Variants in KIF24 observed in about 807,000 individuals in gnomAD.
The protein encoded by KIF24 is kinesin-like protein KIF24.
In KIF24, 81 loss-of-function variants were observed where a neutral mutation model predicts 118.9. The ratio of observed to expected loss-of-function variants is 0.68; its 90% CI spans 0.57 to 0.82. The LOEUF is 0.82. KIF24 is among the 40% of genes least tolerant of loss of function. KIF24 has a pLI of 0.00. For synonymous variants in KIF24, 599 were observed against 610.0 expected, an observed-to-expected ratio of 0.98 and a Z score of 0.27; for missense variants, 1,560 against 1,661.6, an observed-to-expected ratio of 0.94 and a Z score of 1.06.
chr9:34,278,718 A>G (rs1478581250), intron 6 of KIF24, among the ~76,000 whole-genome samples: 2 of 152,160 alleles, frequency 1.3e-5, no homozygotes, highest in Non-Finnish European at 2.9e-5. Context: ...CTCCTTCTCA[A>G]ACTCCTTCCC....
chr9:34,262,712 A>ATATATATG lies in KIF24; in HGVS notation c.1515+388_1515+389insCATATATA, dbSNP rs1278590736. ...TATATATATATATATATATATATAT[A>ATATATATG]TGGCCAGGCATGATGGCATATGCCT... On this transcript the variant is annotated intron_variant, in intron 9 of 12. Coordinates refer to ENST00000402558, the MANE Select transcript of KIF24 (RefSeq NM_194313.4). Among the ~76,000 whole-genome samples, 14 of 50,260 alleles carry ATATATATG rather than the reference A, an allele frequency of 2.8e-4. 1 individual carries two copies. The highest frequency in any genetic ancestry group is 1.0e-3 in the African/African-American group (13 of 12,958). The allele number at this position is 50,260 out of a possible 152,430, so 33.0% of individuals were successfully genotyped here.
In KIF24 at chr9:34,255,833, CG is replaced by C. The variant is rs1563931077; in HGVS notation, c.3773del (p.Pro1258ArgfsTer6). The C allele has an allele frequency of 1.2e-6, 2 of 1,613,968 alleles. No homozygotes were observed. The highest frequency in any genetic ancestry group is 2.2e-5 in the South Asian group (2 of 91,068). On this transcript the variant is annotated frameshift_variant, in exon 11 of 13. Transcript: ENST00000402558. LOFTEE classifies it high-confidence loss of function. ...SENVTWLKPR[P>X]ISRCLARPSS... ...TTGGCCTTGCTAAGCACCTTGAGAT[CG>C]GCCTGGGTTTGAGCCATGTGACATT...
intron 1 of KIF24, among the ~76,000 whole-genome samples, chr9:34,320,488 T>C (rs542667688): frequency 6.6e-6 from 1 of 150,680 alleles, no homozygotes; most frequent in South Asian, 2.1e-4. Context: ...CGAAACCCCA[T>C]CTCTACTAAA....
rs555250728 is a variant in KIF24 at position 34,281,089 on chromosome 9, G to A, written c.1215+5528C>T. Among the ~76,000 whole-genome samples the A allele has an allele frequency of 3.3e-5, 5 of 152,202 alleles. No individual in the cohort carries two copies. In the East Asian group the frequency reaches 5.8e-4, roughly 18 times the overall value. ...TGCCTAGGCTGGAGTGCAATGGCAC[G>A]ATCTCTGGTCACTGCAACCTCTGCC... On this transcript the variant is annotated intron_variant, in intron 6 of 12. Coordinates refer to ENST00000402558, the MANE Select transcript of KIF24 (RefSeq NM_194313.4).
At chr9:34,262,352 C>A (rs1051175999) in intron 9 of KIF24, among the ~76,000 whole-genome samples, 1 of 152,012 alleles carries the variant, frequency 6.6e-6, no homozygotes, top group Non-Finnish European at 1.5e-5. Flanking sequence ...TTCCTAAAGT[C>A]CTATGACAGG....
At chr9:34,309,540 CAAAAA>C (rs397960934) in intron 2 of KIF24, among the ~76,000 whole-genome samples, 1 of 65,242 alleles carries the variant, frequency 1.5e-5, no homozygotes, top group African/African-American at 6.1e-5. Flanking sequence ...GACTCCGTCT[CAAAAA>C]AAAAAAAAAA....
intron 9 of KIF24, among the ~76,000 whole-genome samples, chr9:34,262,242 C>T (rs1037311138): frequency 6.6e-6 from 1 of 152,010 alleles, no homozygotes; most frequent in Non-Finnish European, 1.5e-5. Context: ...AGTTACCATA[C>T]ACTGGAAATA....
intron 1 of KIF24, among the ~76,000 whole-genome samples, chr9:34,326,049 T>C (rs1187698511): frequency 6.6e-6 from 1 of 152,192 alleles, no homozygotes; most frequent in Non-Finnish European, 1.5e-5. Context: ...GCACCAGGAA[T>C]ATAAGTGAAC....
Position 34,257,279 on chromosome 9 carries a change from G to A in KIF24, c.2328C>T (p.Leu776=), listed in dbSNP as rs1563933118. 1 of 1,614,052 alleles carries A rather than the reference G, an allele frequency of 6.2e-7. No homozygotes were observed. The highest frequency in any genetic ancestry group is 8.5e-7 in the Non-Finnish European group (1 of 1,179,904). Residue 776 remains leucine, a synonymous_variant, in exon 11 of 13, where the codon CTC becomes CTT. Transcript: ENST00000402558. ...GTTGGTATTTTAACTTCTGTTGGAG[G>A]AGAGGTGGCTGTTGGAACTGCTGGT... The part of the protein sequence containing the change: ...FYHQQFQQPP[L]LQQKLKYQPL...
At chr9:34,319,605 A>T in intron 1 of KIF24, 2 of 923,182 alleles carry the variant, frequency 2.2e-6, no homozygotes, top group Non-Finnish European at 3.6e-6. Context: ...CCTGCTGTTC[A>T]CTGGGCACCT....
chr9:34,295,208 G>C (rs1314796700), intron 4 of KIF24, among the ~76,000 whole-genome samples: 1 of 151,896 alleles, frequency 6.6e-6, no homozygotes, highest in Non-Finnish European at 1.5e-5. Flanking sequence ...CAGACAGACA[G>C]ACAGACAGAC....
chr9:34,312,682 C>T (rs1348572341), intron 1 of KIF24, among the ~76,000 whole-genome samples: 1 of 152,062 alleles, frequency 6.6e-6, no homozygotes, highest in African/African-American at 2.4e-5. Context: ...CTAAACTAAT[C>T]CTGGCCTTCT....
intron 1 of KIF24, among the ~76,000 whole-genome samples, chr9:34,321,746 A>G (rs1837532527): frequency 6.6e-6 from 1 of 151,816 alleles, no homozygotes; most frequent in Non-Finnish European, 1.5e-5. Flanking sequence ...AGCTGGGACT[A>G]CAGGTGCATG....
chr9:34,312,725 G>T (rs1044279276), intron 1 of KIF24, among the ~76,000 whole-genome samples: 2 of 152,106 alleles, frequency 1.3e-5, no homozygotes, highest in Non-Finnish European at 2.9e-5. Context: ...TTGAGATGGA[G>T]TTTCACTCTG....
chr9:34,327,846 A>AAAATAAT (rs1554668267), intron 1 of KIF24, among the ~76,000 whole-genome samples: 8 of 149,698 alleles, frequency 5.3e-5, no homozygotes, highest in Non-Finnish European at 8.9e-5. Flanking sequence ...AATAAAAAAA[A>AAAATAAT]AATAATAATA....
In KIF24 at chr9:34,254,189, A is replaced by AC; in HGVS notation, c.*190dup. The AC allele has an allele frequency of 1.9e-6, 1 of 516,950 alleles. No individual in the cohort carries two copies. The highest frequency in any genetic ancestry group is 5.2e-4 in the Middle Eastern group (1 of 1,936). 32.0% of individuals were successfully genotyped at this position (516,950 alleles called of 1,614,324 possible). ...GCACTCCTGTGCATGGAACTGAGGGACAGGGGCCTGTCCCTGAGGGAGAAG... is the reference window on the plus strand; with the variant it reads ...GCACTCCTGTGCATGGAACTGAGGGACCAGGGGCCTGTCCCTGAGGGAGAAG... On this transcript the variant is annotated 3_prime_UTR_variant, in exon 13 of 13. Transcript: ENST00000402558.
At chr9:34,254,977 T>G (rs2131654123) in intron 12 of KIF24, 95 bp downstream of exon 12, 1 of 837,610 alleles carries the variant, frequency 1.2e-6, no homozygotes, top group Non-Finnish European at 1.9e-6. Flanking sequence ...AGGAGACCCT[T>G]TCCCCACACA....
rs142873575 is a variant in KIF24, at chr9:34,255,801, G to A, written c.3806C>T (p.Pro1269Leu). The change falls in exon 11 of 13, where the codon CCC (proline) becomes CTC (leucine). Residue 1269 changes from proline (P) to leucine (L), a missense_variant. By Grantham distance (98) the Pro-to-Leu change is moderately conservative. Coordinates refer to ENST00000402558, the MANE Select transcript of KIF24 (RefSeq NM_194313.4). ...CTTGGGAGAGCAGCTGGGAACCAAG[G>A]GAGAACTTGGCCTTGCTAAGCACCT... ...ISRCLARPSS[P>L]LVPSCSPKTA... 8.1e-5 allele frequency: 130 copies of A among 1,613,840 alleles called. No homozygotes were observed. The highest frequency in any genetic ancestry group is 1.1e-4 in the Non-Finnish European group (128 of 1,179,866).
chr9:34,310,695 T>C, intron 2 of KIF24, 29 bp downstream of exon 2: 1 of 1,539,600 alleles, frequency 6.5e-7, no homozygotes, highest in Non-Finnish European at 8.7e-7. Flanking sequence ...CTACTTTCCC[T>C]CAAAAGAAAG....
Sources: allele counts gnomAD v4.1 joint callset (sites outside exome capture counted in the v4.1 genomes callset), GRCh38; gene constraint gnomAD v4.1.1; transcripts MANE v1.5; gene names NCBI Gene and HGNC (gene_info 2026-07-23, HGNC 2026-07-21).